The following LRRC4C variants were observed in gnomAD, a reference collection of about 807,000 sequenced individuals.
LRRC4C encodes leucine rich repeat containing 4C.
In LRRC4C, 5 loss-of-function variants were observed where a neutral mutation model predicts 33.6. The observed-to-expected ratio is 0.15, with a 90% CI of 0.08 to 0.31. The LOEUF (loss-of-function observed/expected upper bound fraction) is 0.31, where lower values mean the gene tolerates loss of function less well. Among genes scored for constraint, LRRC4C ranks in the 10% least tolerant of loss-of-function variants. The pLI is 1.00. For missense variants in LRRC4C, 560 were observed against 796.7 expected, an observed-to-expected ratio of 0.70 and a Z score of 3.58; for synonymous variants, 329 against 302.0, an observed-to-expected ratio of 1.09 and a Z score of -0.93.
intron 4 of LRRC4C, among the ~76,000 whole-genome samples, chr11:40,255,386 T>G (rs769392581): frequency 6.6e-6 from 1 of 152,218 alleles, no homozygotes; most frequent in Non-Finnish European, 1.5e-5. Flanking sequence ...GAAACTTTCA[T>G]GATGATTCTA....
chr11:40,626,503 T>C lies in LRRC4C; in HGVS notation c.-270+21639A>G, dbSNP rs570525870. 1.5e-3 allele frequency among the ~76,000 whole-genome samples: 236 copies of C among 152,292 alleles called. 3 individuals are homozygous for C. Among genetic ancestry groups the C allele is most frequent in the Middle Eastern group, 3.4e-3 (1 of 294 alleles). On this transcript the variant is annotated intron_variant, in intron 3 of 6. Transcript: ENST00000528697. ...TGCTTCACATAGCACAGACTTTCAA[T>C]AAACATTTACAAATGAATGGATGAA...
chr11:40,342,908 G>T (rs1000224821), intron 3 of LRRC4C, among the ~76,000 whole-genome samples: 1 of 151,796 alleles, frequency 6.6e-6, no homozygotes, highest in African/African-American at 2.4e-5. Context: ...CCATCTTTTA[G>T]TCTAGTCATC....
At position 40,468,788 on chromosome 11, in the gene LRRC4C, A is replaced by G. The variant is rs531027993; in HGVS notation, c.-269-149067T>C. 6.6e-5 allele frequency among the ~76,000 whole-genome samples: 10 copies of G among 152,326 alleles called. No homozygotes were observed. In the South Asian group the frequency reaches 1.7e-3, roughly 25 times the overall value. On this transcript the variant is annotated intron_variant, in intron 3 of 6. Coordinates refer to ENST00000528697, the MANE Select transcript of LRRC4C (RefSeq NM_001258419.2). Reference sequence around the variant, plus strand: ...TACAAAAAAGGAAGCTGAAAAAAATACCAGGGAAACATTTTCTAGTACACT... The same window carrying G: ...TACAAAAAAGGAAGCTGAAAAAAATGCCAGGGAAACATTTTCTAGTACACT...
At position 40,115,971 on chromosome 11, in the gene LRRC4C, T is replaced by C; in HGVS notation, c.322A>G (p.Ser108Gly). 6.2e-7 allele frequency: 1 copy of C among 1,614,106 alleles called. No homozygotes were observed. Among genetic ancestry groups the C allele is most frequent in the Non-Finnish European group, 8.5e-7 (1 of 1,180,012 alleles). ...TCAATGGTTCTGATATGGTTCCTAC[T>C]CAACTGTAGGATTTCCAAGTGTCTC... Reference protein sequence around the residue: ...HLRHLEILQLSRNHIRTIEIG... With the variant: ...HLRHLEILQLGRNHIRTIEIG... The change falls in exon 7 of 7, where the codon AGT becomes GGT. Residue 108 changes from serine (S) to glycine (G), a missense_variant. Transcript: ENST00000528697. This position sits in a 1 kb window ranked among gnomAD's most constrained non-coding sequence, Gnocchi z 6.7.
intron 1 of LRRC4C, among the ~76,000 whole-genome samples, chr11:41,115,349 G>A (rs1427176500): frequency 6.6e-6 from 1 of 151,528 alleles, no homozygotes; most frequent in Non-Finnish European, 1.5e-5. Context: ...TCACTGACTA[G>A]ATCACTGTTC....
At chr11:41,148,893 T>A (rs1361624306) in intron 1 of LRRC4C, among the ~76,000 whole-genome samples, 1 of 152,170 alleles carries the variant, frequency 6.6e-6, no homozygotes, top group African/African-American at 2.4e-5. Flanking sequence ...TAGCTATTGT[T>A]ATTAACCAAG....
intron 2 of LRRC4C, among the ~76,000 whole-genome samples, chr11:40,697,688 G>T (rs1945643023): frequency 6.6e-6 from 1 of 152,112 alleles, no homozygotes; most frequent in African/African-American, 2.4e-5. Flanking sequence ...TTTTAACAAT[G>T]ACATAATAAT....
chr11:41,319,536 TTGTC>T (rs1457784992), intron 1 of LRRC4C, among the ~76,000 whole-genome samples: 1 of 152,140 alleles, frequency 6.6e-6, no homozygotes, highest in Non-Finnish European at 1.5e-5. Flanking sequence ...TTTTGTTTGT[TTGTC>T]TGTCTTTTTA....
intron 1 of LRRC4C, among the ~76,000 whole-genome samples, chr11:41,209,334 T>C (rs1382963995): frequency 6.6e-6 from 1 of 151,722 alleles, no homozygotes; most frequent in Non-Finnish European, 1.5e-5. Context: ...CCCTTTCTTC[T>C]TTCTGATTTC....
chr11:40,647,172 TGA>T (rs1942517889), intron 3 of LRRC4C, among the ~76,000 whole-genome samples: 1 of 152,212 alleles, frequency 6.6e-6, no homozygotes, highest in Admixed American at 6.5e-5. Context: ...TAAATGCAAC[TGA>T]GAGAGAGCTA....
intron 2 of LRRC4C, among the ~76,000 whole-genome samples, chr11:40,707,389 T>C (rs1946223413): frequency 6.6e-6 from 1 of 152,224 alleles, no homozygotes; most frequent in East Asian, 1.9e-4. Flanking sequence ...GTTCCATCAA[T>C]ACCTAGTTTA....
At chr11:40,750,922 T>C (rs2136986957) in intron 2 of LRRC4C, among the ~76,000 whole-genome samples, 1 of 152,104 alleles carries the variant, frequency 6.6e-6, no homozygotes, top group Middle Eastern at 3.4e-3. Flanking sequence ...TGATACACCA[T>C]GACAAGTGGT....
intron 1 of LRRC4C, among the ~76,000 whole-genome samples, chr11:41,122,527 C>A (rs1327482104): frequency 6.6e-6 from 1 of 151,892 alleles, no homozygotes; most frequent in Non-Finnish European, 1.5e-5. Flanking sequence ...ATCTGGATCA[C>A]TTATTTTTAA....
At chr11:40,732,756 G>A (rs1947656162) in intron 2 of LRRC4C, among the ~76,000 whole-genome samples, 1 of 152,124 alleles carries the variant, frequency 6.6e-6, no homozygotes, top group African/African-American at 2.4e-5. Context: ...AAAGTATAAA[G>A]TGCACATTAA....
rs138835681 is a variant in LRRC4C at position 40,518,922 on chromosome 11, G to C, written c.-270+129220C>G. 3.6e-3 allele frequency among the ~76,000 whole-genome samples: 544 copies of C among 152,250 alleles called. 4 individuals are homozygous for C. The highest frequency in any genetic ancestry group is 5.8e-3 in the Non-Finnish European group (394 of 68,022). On this transcript the variant is annotated intron_variant, in intron 3 of 6. Coordinates refer to ENST00000528697, the MANE Select transcript of LRRC4C (RefSeq NM_001258419.2). The stretch of plus-strand genomic sequence containing the variant: ...TGGAATACTATGCAGCCACAAAAAA[G>C]GATGAGGTAATGTCCTTTGCAGGGA...
At chr11:40,683,932 T>G (rs1220942866) in intron 2 of LRRC4C, among the ~76,000 whole-genome samples, 2 of 152,212 alleles carry the variant, frequency 1.3e-5, no homozygotes, top group African/African-American at 4.8e-5. Context: ...CTATGGGAAC[T>G]TAGAACCCCA....
intron 1 of LRRC4C, among the ~76,000 whole-genome samples, chr11:41,326,558 T>C (rs1951124644): frequency 6.6e-6 from 1 of 152,086 alleles, no homozygotes; most frequent in Non-Finnish European, 1.5e-5. Context: ...AAAATGAAGA[T>C]AAAAGTTAAA....
At chr11:40,556,408 T>A (rs1565501537) in intron 3 of LRRC4C, among the ~76,000 whole-genome samples, 2 of 152,230 alleles carry the variant, frequency 1.3e-5, no homozygotes, top group Non-Finnish European at 2.9e-5. Context: ...AAGAGTGAGC[T>A]ATAGGAATAA....
At chr11:40,941,512 AG>A (rs1958143880) in intron 1 of LRRC4C, among the ~76,000 whole-genome samples, 2 of 152,152 alleles carry the variant, frequency 1.3e-5, no homozygotes, top group Non-Finnish European at 1.5e-5. Flanking sequence ...TAAGATCATA[AG>A]CATGGAAACT....
Sources: allele counts gnomAD v4.1 joint callset (sites outside exome capture counted in the v4.1 genomes callset), GRCh38; gene constraint gnomAD v4.1.1; non-coding constraint Gnocchi (gnomAD v3.1); transcripts MANE v1.5; gene names NCBI Gene and HGNC (gene_info 2026-07-23, HGNC 2026-07-21).